The following CTNNA2 variants were observed in gnomAD, a reference collection of about 807,000 sequenced individuals.
CTNNA2 encodes the protein catenin alpha 2.
CTNNA2 carries 42 observed loss-of-function variants against 101.0 expected under a neutral mutation model. The observed-to-expected ratio is 0.42, with a 90% CI of 0.32 to 0.54. CTNNA2 has a LOEUF of 0.54. Ranked by LOEUF, CTNNA2 falls within the 20% of genes least tolerant of loss-of-function variation. The probability of loss-of-function intolerance (pLI) is 0.14; values close to 1 mark genes in which losing one functional copy is unlikely to be tolerated. For missense variants in CTNNA2, 871 were observed against 1,223.1 expected (o/e 0.71, Z 4.29); for synonymous variants, 450 against 456.4 (o/e 0.99, Z 0.18).
chr2:80,320,230 G>T (rs1469572184), intron 7 of CTNNA2, among the ~76,000 whole-genome samples: 1 of 152,196 alleles, frequency 6.6e-6, no homozygotes, highest in Non-Finnish European at 1.5e-5. Flanking sequence ...GGTACATTCT[G>T]CAGCTATGAG....
chr2:80,271,484 C>T (rs1007663384), intron 7 of CTNNA2, among the ~76,000 whole-genome samples: 2 of 151,112 alleles, frequency 1.3e-5, no homozygotes, highest in Admixed American at 1.3e-4. Flanking sequence ...TGCAGTGGCG[C>T]GATCTCGGCT....
At chr2:79,212,121 C>A (rs1302572414) in intron 2 of CTNNA2, among the ~76,000 whole-genome samples, 2 of 152,160 alleles carry the variant, frequency 1.3e-5, no homozygotes, top group Non-Finnish European at 2.9e-5. Flanking sequence ...GCCCTGCCAG[C>A]AAAGATTATT....
rs1329378292 is a variant in CTNNA2 at position 80,647,911 on chromosome 2, C to A, written c.*39C>A. The A allele has an allele frequency of 4.6e-6, 7 of 1,520,358 alleles. No individual in the cohort carries two copies. In the African/African-American group the frequency reaches 5.6e-5, roughly 12 times the overall value. The allele number at this position is 1,520,358 out of a possible 1,614,324, so 94.2% of individuals were successfully genotyped here. A position where few individuals can be genotyped will look rare whatever the true frequency, so the allele number is the denominator to read the frequency against. On this transcript the variant is annotated 3_prime_UTR_variant, in exon 19 of 19. Coordinates refer to ENST00000402739, the MANE Select transcript of CTNNA2 (RefSeq NM_001282597.3). Reference sequence around the variant, plus strand: ...AACAAGAAAGCTTTTTCTTTCTTTTCTTTCTTTCTTTTTCTTTTTAATTCC... The same window carrying A: ...AACAAGAAAGCTTTTTCTTTCTTTTATTTCTTTCTTTTTCTTTTTAATTCC...
chr2:80,512,132 A>ATG (rs1688751545), intron 9 of CTNNA2, among the ~76,000 whole-genome samples: 1 of 141,360 alleles, frequency 7.1e-6, no homozygotes, highest in East Asian at 2.1e-4. Context: ...CCTGGGCAAC[A>ATG]GAGCAACACT....
chr2:79,853,932 T>C, intron 3 of CTNNA2, among the ~76,000 whole-genome samples: 1 of 140,502 alleles, frequency 7.1e-6, no homozygotes, highest in African/African-American at 2.6e-5. Context: ...CCTTCCAAAG[T>C]GCTGGGATTA....
intron 1 of CTNNA2, among the ~76,000 whole-genome samples, chr2:79,519,420 G>A (rs1671986277): frequency 6.6e-6 from 1 of 151,842 alleles, no homozygotes; most frequent in Non-Finnish European, 1.5e-5. Context: ...AATTTTATAA[G>A]CACACTGAAC....
intron 3 of CTNNA2, among the ~76,000 whole-genome samples, chr2:79,816,735 A>G (rs183710140): frequency 6.6e-6 from 1 of 152,322 alleles, no homozygotes; most frequent in East Asian, 1.9e-4. Flanking sequence ...TGGCCTTTCT[A>G]GATGTCAGAC....
chr2:80,195,267 C>G (rs1706758238), intron 7 of CTNNA2, among the ~76,000 whole-genome samples: 1 of 152,088 alleles, frequency 6.6e-6, no homozygotes, highest in African/African-American at 2.4e-5. Context: ...ACAGACAAAT[C>G]TGTTGCCCAT....
At chr2:80,298,037 T>TCA (rs1553485863) in intron 7 of CTNNA2, 3 of 149,640 alleles carry the variant, frequency 2.0e-5, no homozygotes, top group African/African-American at 7.4e-5. Flanking sequence ...ATATTATATA[T>TCA]TATATATATA....
At chr2:79,387,424 G>A (rs1299339006) in intron 4 of CTNNA2, among the ~76,000 whole-genome samples, 1 of 152,138 alleles carries the variant, frequency 6.6e-6, no homozygotes, top group Admixed American at 6.5e-5. Context: ...ACCATCATGG[G>A]TCACATTTTC....
chr2:79,518,904 G>C (rs946081128), intron 1 of CTNNA2, among the ~76,000 whole-genome samples: 13 of 151,746 alleles, frequency 8.6e-5, no homozygotes, highest in African/African-American at 2.9e-4. Flanking sequence ...ATATGTGGAA[G>C]TGGCATAAAG....
intron 17 of CTNNA2, among the ~76,000 whole-genome samples, chr2:80,611,803 G>GT (rs1387739936): frequency 3.3e-5 from 5 of 151,422 alleles, no homozygotes; most frequent in Admixed American, 2.0e-4. Context: ...TACCTAAACT[G>GT]TTTTTTTAAA....
chr2:80,079,560 G>C (rs1698982412), intron 7 of CTNNA2, among the ~76,000 whole-genome samples: 1 of 152,146 alleles, frequency 6.6e-6, no homozygotes. Context: ...CACGCCCGCA[G>C]TCCCAGTACT....
chr2:79,455,219 G>T (rs920942085), intron 4 of CTNNA2, among the ~76,000 whole-genome samples: 1 of 152,176 alleles, frequency 6.6e-6, no homozygotes, highest in Non-Finnish European at 1.5e-5. Context: ...TCCTCCATAT[G>T]CATAGTCAAA....
At chr2:80,447,542 C>T (rs1244173673) in intron 9 of CTNNA2, among the ~76,000 whole-genome samples, 1 of 152,162 alleles carries the variant, frequency 6.6e-6, no homozygotes, top group East Asian at 1.9e-4. Flanking sequence ...CCTGTATGCA[C>T]AGATGCTCTG....
At chr2:80,624,288 G>A (rs1256462710) in intron 18 of CTNNA2, among the ~76,000 whole-genome samples, 1 of 151,946 alleles carries the variant, frequency 6.6e-6, no homozygotes, top group Admixed American at 6.6e-5. Context: ...TGGAAGAACC[G>A]AACTTTCATG....
intron 7 of CTNNA2, among the ~76,000 whole-genome samples, chr2:80,200,006 A>G (rs1408626825): frequency 6.6e-6 from 1 of 152,180 alleles, no homozygotes. Flanking sequence ...CTTAGATACA[A>G]CCAGAAAGCT....
intron 7 of CTNNA2, among the ~76,000 whole-genome samples, chr2:80,295,143 T>C (rs1009372178): frequency 3.3e-5 from 5 of 150,656 alleles, no homozygotes; most frequent in African/African-American, 1.2e-4. Context: ...CCATACCCCA[T>C]TTTACTAGAA....
At chr2:79,722,354 AT>A (rs1686542870) in intron 2 of CTNNA2, among the ~76,000 whole-genome samples, 1 of 152,108 alleles carries the variant, frequency 6.6e-6, no homozygotes, top group African/African-American at 2.4e-5. Context: ...CCTTGGTTGG[AT>A]TTGTTTTGTT....
Sources: gnomAD v4.1 joint callset for allele counts (sites outside exome capture counted in the v4.1 genomes callset) on GRCh38, gnomAD v4.1.1 for gene constraint, MANE v1.5 for transcripts, NCBI Gene and HGNC (gene_info 2026-07-23, HGNC 2026-07-21) for gene names.